SLC34A1: variants seen among roughly 807,000 people sequenced by gnomAD.
SLC34A1 encodes the protein sodium-dependent phosphate transport protein 2A.
Under a neutral mutation model 51.4 loss-of-function variants are expected in SLC34A1, and 57 were observed. The observed-to-expected ratio is 1.11, with a 90% confidence interval of 0.90 to 1.38. The LOEUF is 1.38. Among genes scored for constraint, SLC34A1 ranks in the 40% most tolerant of loss-of-function variants. The pLI is 0.00. For synonymous variants in SLC34A1, 368 were observed against 358.0 expected (o/e 1.03, Z -0.32); for missense variants, 796 against 835.6 (o/e 0.95, Z 0.58).
chr5:177,388,450 A>C lies in SLC34A1; in HGVS notation c.936+78A>C. On this transcript the variant is annotated intron_variant, in intron 8 of 12. Coordinates refer to ENST00000324417, the MANE Select transcript of SLC34A1 (RefSeq NM_003052.5). This position sits in a 1 kb window ranked among gnomAD's most constrained non-coding sequence, Gnocchi z 4.3. ...TTTCATTGTCTGTTCAAAATGCTCC[A>C]GATAGACCTTGAAGATCATTTAGCC... is the stretch of plus-strand genomic sequence containing the variant. 8.0e-7 allele frequency: 1 copy of C among 1,244,924 alleles called. No individual in the cohort carries two copies. The highest frequency in any genetic ancestry group is 1.2e-6 in the Non-Finnish European group (1 of 851,300). 77.1% of individuals were successfully genotyped at this position (1,244,924 alleles called of 1,614,324 possible). A position where few individuals can be genotyped will look rare whatever the true frequency, so the allele number is the denominator to read the frequency against.
intron 8 of SLC34A1, among the ~76,000 whole-genome samples, chr5:177,391,252 C>G (rs951603873): frequency 1.3e-5 from 2 of 152,244 alleles, no homozygotes; most frequent in Non-Finnish European, 2.9e-5. Flanking sequence ...AGTTCACTCT[C>G]TGCCTGGCTT....
rs959251810 is a variant in SLC34A1 at position 177,396,641 on chromosome 5, C to T, written c.1175-92C>T. The stretch of plus-strand genomic sequence containing the variant: ...GAGATCCGCTCTCCCAGTGCCCCCG[C>T]GGAGGTCCGCTCTCCCAGTGCCCCC... On this transcript the variant is annotated intron_variant, in intron 10 of 12. Coordinates refer to ENST00000324417, the MANE Select transcript of SLC34A1 (RefSeq NM_003052.5). This position sits in a 1 kb window ranked among gnomAD's most constrained non-coding sequence, Gnocchi z 4.0. 27 of 985,150 alleles carry T rather than the reference C, an allele frequency of 2.7e-5. No individual in the cohort carries two copies. Among genetic ancestry groups the T allele is most frequent in the Middle Eastern group, 2.4e-4 (1 of 4,250 alleles). The allele number at this position is 985,150 out of a possible 1,614,324, so 61.0% of individuals were successfully genotyped here.
At position 177,396,796 on chromosome 5, in the gene SLC34A1, C is replaced by T. The variant is rs764223255; in HGVS notation, c.1238C>T (p.Thr413Ile). 3.0e-5 allele frequency: 48 copies of T among 1,614,102 alleles called. No individual in the cohort carries two copies. Among genetic ancestry groups the T allele is most frequent in the East Asian group, 6.7e-5 (3 of 44,894 alleles). ...YFAMVVGASM[T>I]FVVQSSSVFT... Reference sequence around the variant, plus strand: ...GCCATGGTGGTGGGCGCCAGCATGACCTTCGTGGTCCAGAGCAGTTCTGTG... The same window carrying T: ...GCCATGGTGGTGGGCGCCAGCATGATCTTCGTGGTCCAGAGCAGTTCTGTG... Residue 413 changes from threonine to isoleucine, a missense_variant, in exon 11 of 13, where the codon ACC becomes ATC. Thr to Ile is a moderately conservative substitution (Grantham distance 89). Coordinates refer to ENST00000324417, the MANE Select transcript of SLC34A1 (RefSeq NM_003052.5). The surrounding 1 kb of genome is among the most constrained non-coding windows in gnomAD (Gnocchi z 4.0).
In SLC34A1 at chr5:177,387,169, G is replaced by A. The variant is rs1762607858; in HGVS notation, c.533-593G>A. ...GCAGATCACGAGGTCAGTAGATCGA[G>A]ACCACCCTGGCTAACACGGTGAAAC... is the stretch of plus-strand genomic sequence containing the variant. On this transcript the variant is annotated intron_variant, in intron 5 of 12. Coordinates refer to ENST00000324417, the MANE Select transcript of SLC34A1 (RefSeq NM_003052.5). Among the ~76,000 whole-genome samples, 3 of 150,972 alleles carry A rather than the reference G, an allele frequency of 2.0e-5. No individual in the cohort carries two copies. In the South Asian group the frequency reaches 6.3e-4, roughly 32 times the overall value.
At chr5:177,393,673 G>T in intron 8 of SLC34A1, 21 bp from the exon 9 acceptor site, 1 of 1,613,826 alleles carries the variant, frequency 6.2e-7, no homozygotes, top group East Asian at 2.2e-5. Context: ...AATTCACTAA[G>T]TCACCCTCCT....
Position 177,397,768 on chromosome 5 carries a change from C to A in SLC34A1, c.1417-15C>A, listed in dbSNP as rs1325365840. 6.2e-7 allele frequency: 1 copy of A among 1,605,636 alleles called. No homozygotes were observed. The highest frequency in any genetic ancestry group is 1.3e-5 in the African/African-American group (1 of 74,900). On this transcript the variant is annotated splice_polypyrimidine_tract_variant and intron_variant, in intron 12 of 12. Transcript: ENST00000324417. The stretch of plus-strand genomic sequence containing the variant: ...GCCAGTGCCCATCTCAGCCCCTCTG[C>A]CTCATCCCCTGCAGATTGCCCTCTG...
intron 8 of SLC34A1, chr5:177,389,778 C>T (rs2127349907): frequency 6.5e-7 from 1 of 1,536,502 alleles, no homozygotes; most frequent in African/African-American, 1.4e-5. Flanking sequence ...CCAGCAGCCT[C>T]CACGTCCTCA....
rs957023378 is a variant in SLC34A1, at chr5:177,387,663, A to G, written c.533-99A>G. On this transcript the variant is annotated intron_variant, in intron 5 of 12. Transcript: ENST00000324417. ...ACTCAGCAGCATGGCAGGAGCGGCC[A>G]CTGGGGACTGGGACGTGGGTGGGGG... 1.0e-5 allele frequency: 10 copies of G among 994,058 alleles called. No homozygotes were observed. In the African/African-American group the frequency reaches 1.3e-4, roughly 13 times the overall value. 61.6% of individuals were successfully genotyped at this position (994,058 alleles called of 1,614,324 possible). A position where few individuals can be genotyped will look rare whatever the true frequency, so the allele number is the denominator to read the frequency against.
rs1323774031 is a variant in SLC34A1 at position 177,393,759 on chromosome 5, G to A, written c.1002G>A (p.Glu334=). ...SSQTLGNATM[E]KCNHIFVDTG... ...AGACCCTTGGAAATGCCACCATGGA[G>A]AAATGTAAGTGCCTGCAACATGGGA... The change falls in exon 9 of 13, where the codon GAG becomes GAA. Residue 334 remains glutamate (E), a synonymous_variant. Transcript: ENST00000324417. The A allele has an allele frequency of 6.2e-7, 1 of 1,614,192 alleles. No individual in the cohort carries two copies. Among genetic ancestry groups the A allele is most frequent in the Admixed American group, 1.7e-5 (1 of 60,034 alleles).
rs1763042248 is a variant in SLC34A1, at chr5:177,398,402, C to A, written c.*116C>A. ...GTGCCACCCTGGGTGCCAGTCTCTC[C>A]TTCTGTAGCTCCGCAAAGCTCTGGG... is the stretch of plus-strand genomic sequence containing the variant. On this transcript the variant is annotated 3_prime_UTR_variant, in exon 13 of 13. Coordinates refer to ENST00000324417, the MANE Select transcript of SLC34A1 (RefSeq NM_003052.5). This position sits in a 1 kb window ranked among gnomAD's most constrained non-coding sequence, Gnocchi z 4.7. 1 of 1,196,960 alleles carries A rather than the reference C, an allele frequency of 8.4e-7. No homozygotes were observed. Among genetic ancestry groups the A allele is most frequent in the Non-Finnish European group, 1.2e-6 (1 of 815,382 alleles). 74.1% of individuals were successfully genotyped at this position (1,196,960 alleles called of 1,614,324 possible). A position where few individuals can be genotyped will look rare whatever the true frequency, so the allele number is the denominator to read the frequency against.
rs1762948592 is a variant in SLC34A1, at chr5:177,396,198, G to C, written c.1175-535G>C. Among the ~76,000 whole-genome samples, 2 of 152,272 alleles carry C rather than the reference G, an allele frequency of 1.3e-5. No homozygotes were observed. Among genetic ancestry groups the C allele is most frequent in the South Asian group, 4.1e-4 (2 of 4,822 alleles). Reference sequence around the variant, plus strand: ...GAGAAAAAGTCTGCTCCAGAGCAGGGGGTCAGGGAAGGCTTTCCAGAGGAA... The same window carrying C: ...GAGAAAAAGTCTGCTCCAGAGCAGGCGGTCAGGGAAGGCTTTCCAGAGGAA... On this transcript the variant is annotated intron_variant, in intron 10 of 12. Transcript: ENST00000324417. The surrounding 1 kb of genome is among the most constrained non-coding windows in gnomAD (Gnocchi z 4.0).
chr5:177,392,013 T>C (rs889887047), intron 8 of SLC34A1, among the ~76,000 whole-genome samples: 1 of 152,126 alleles, frequency 6.6e-6, no homozygotes, highest in Non-Finnish European at 1.5e-5. Context: ...TCGCAGCCTA[T>C]TTTTTCCAGG....
Position 177,398,074 on chromosome 5 carries a change from C to A in SLC34A1, c.1708C>A (p.Pro570Thr), listed in dbSNP as rs144700897. ...VLQSRSPGHL[P>T]KWLQTWDFLP... ...GCAGAGTCGGAGTCCCGGGCACCTG[C>A]CCAAGTGGTTACAGACATGGGACTT... The change falls in exon 13 of 13, where the codon CCC becomes ACC. Residue 570 changes from proline (P) to threonine (T), a missense_variant. Coordinates refer to ENST00000324417, the MANE Select transcript of SLC34A1 (RefSeq NM_003052.5). The surrounding 1 kb of genome is among the most constrained non-coding windows in gnomAD (Gnocchi z 4.7). 6.2e-6 allele frequency: 10 copies of A among 1,613,572 alleles called. No homozygotes were observed. Among genetic ancestry groups the A allele is most frequent in the Middle Eastern group, 1.6e-4 (1 of 6,080 alleles).
chr5:177,387,026 T>G (rs1463105744), intron 5 of SLC34A1, among the ~76,000 whole-genome samples: 1 of 151,752 alleles, frequency 6.6e-6, no homozygotes, highest in Non-Finnish European at 1.5e-5. Context: ...CCCAGGCTAG[T>G]GTTGGGTTGA....
At chr5:177,395,565 C>T (rs1224464644) in intron 10 of SLC34A1, among the ~76,000 whole-genome samples, 2 of 152,098 alleles carry the variant, frequency 1.3e-5, no homozygotes, top group African/African-American at 4.8e-5. Context: ...AGAGCCTGGA[C>T]TTTATTGAGG....
At position 177,388,784 on chromosome 5, in the gene SLC34A1, G is replaced by A. The variant is rs76428616; in HGVS notation, c.936+412G>A. ...TGCTCAGTGCTCAAGTTTGAGAACC[G>A]CTGATCCAGCGCAACCCTTGGGTTT... On this transcript the variant is annotated intron_variant, in intron 8 of 12. Transcript: ENST00000324417. This position sits in a 1 kb window ranked among gnomAD's most constrained non-coding sequence, Gnocchi z 4.3. Among the ~76,000 whole-genome samples, 2,994 of 152,234 alleles carry A rather than the reference G, an allele frequency of 0.02. 112 individuals are homozygous for A. The highest frequency in any genetic ancestry group is 0.068 in the African/African-American group (2,810 of 41,502).
At chr5:177,392,231 G>A (rs1762830037) in intron 8 of SLC34A1, among the ~76,000 whole-genome samples, 1 of 152,228 alleles carries the variant, frequency 6.6e-6, no homozygotes, top group East Asian at 1.9e-4. Context: ...GGAGGCCGAG[G>A]TGGGTGAATC....
In SLC34A1 at chr5:177,386,510, T is replaced by G. The variant is rs1176497066; in HGVS notation, c.476T>G (p.Leu159Arg). ...GTGGTGGGGATCCTGGTGACCGTGC[T>G]GGTGCAGAGCTCCAGCACCTCCACA... is the stretch of plus-strand genomic sequence containing the variant. Reference protein sequence around the residue: ...GLVVGILVTVLVQSSSTSTSI... With the variant: ...GLVVGILVTVRVQSSSTSTSI... The change falls in exon 5 of 13, where the codon CTG becomes CGG. Residue 159 changes from leucine to arginine, a missense_variant. By Grantham distance (102) the Leu-to-Arg change is moderately radical. Transcript: ENST00000324417. This position sits in a 1 kb window ranked among gnomAD's most constrained non-coding sequence, Gnocchi z 4.8. The G allele has an allele frequency of 2.5e-6, 4 of 1,614,206 alleles. No individual in the cohort carries two copies. The highest frequency in any genetic ancestry group is 3.4e-6 in the Non-Finnish European group (4 of 1,180,028).
At chr5:177,393,078 C>CCA (rs1762856322) in intron 8 of SLC34A1, among the ~76,000 whole-genome samples, 1 of 152,188 alleles carries the variant, frequency 6.6e-6, no homozygotes, top group Non-Finnish European at 1.5e-5. Context: ...CCCACCTCTT[C>CCA]CACACACAGC....
Sources: allele counts gnomAD v4.1 joint callset (sites outside exome capture counted in the v4.1 genomes callset), GRCh38; gene constraint gnomAD v4.1.1; non-coding constraint Gnocchi (gnomAD v3.1); transcripts MANE v1.5; gene names NCBI Gene and HGNC (gene_info 2026-07-23, HGNC 2026-07-21).